The following RBMXL1 variants were observed in gnomAD, a reference collection of about 807,000 sequenced individuals.
RBMXL1 encodes RNA binding motif protein, X-linked-like-1.
Under a neutral mutation model 29.0 loss-of-function variants are expected in RBMXL1, and 18 were observed. That is an observed-to-expected ratio of 0.62 (90% confidence interval 0.43 to 0.92). The LOEUF is 0.92. Among genes scored for constraint, RBMXL1 ranks in the 40% least tolerant of loss-of-function variants. The probability of loss-of-function intolerance (pLI) is 0.00; values close to 1 mark genes in which losing one functional copy is unlikely to be tolerated. For synonymous variants in RBMXL1, 141 were observed against 170.4 expected, an observed-to-expected ratio of 0.83 and a Z score of 1.34; for missense variants, 403 against 495.8, an observed-to-expected ratio of 0.81 and a Z score of 1.78.
In RBMXL1 at chr1:88,984,003, T is replaced by A; in HGVS notation, c.-177A>T. 1.5e-6 allele frequency: 1 copy of A among 679,676 alleles called. No homozygotes were observed. The highest frequency in any genetic ancestry group is 1.9e-5 in the South Asian group (1 of 51,956). The allele number at this position is 679,676 out of a possible 1,614,324, so 42.1% of individuals were successfully genotyped here. A position where few individuals can be genotyped will look rare whatever the true frequency, so the allele number is the denominator to read the frequency against. ...TGCTTTTTAAGGTATGGCTATCCAT[T>A]CAAAAAACCAGGAAAATTACTTTCT... On this transcript the variant is annotated 5_prime_UTR_variant, in exon 3 of 3. Transcript: ENST00000652648.
chr1:88,987,543 T>C (rs1416441198), intron 2 of RBMXL1, among the ~76,000 whole-genome samples: 2 of 152,146 alleles, frequency 1.3e-5, no homozygotes, highest in Admixed American at 1.3e-4. Flanking sequence ...ATGCCAAAAA[T>C]GGAATTTTCA....
intron 1 of RBMXL1, among the ~76,000 whole-genome samples, chr1:88,991,131 G>A (rs1677770957): frequency 6.6e-6 from 1 of 152,326 alleles, no homozygotes; most frequent in African/African-American, 2.4e-5. Context: ...GGTTTAGACT[G>A]TTTAAAATGA....
rs1447615175 is a variant in RBMXL1, at chr1:88,991,107, G to A, written c.-341+1478C>T. Among the ~76,000 whole-genome samples the A allele has an allele frequency of 2.0e-5, 3 of 152,094 alleles. No individual in the cohort carries two copies. In the East Asian group the frequency reaches 5.8e-4, roughly 29 times the overall value. The stretch of plus-strand genomic sequence containing the variant: ...CATGATCTATAGAAATGAAACTGTC[G>A]ATTTATTATCAACGGTTTAGACTGT... On this transcript the variant is annotated intron_variant, in intron 1 of 2. Transcript: ENST00000652648.
rs779344113 is a variant in RBMXL1 at position 88,982,825 on chromosome 1, G to C, written c.1002C>G (p.Leu334=). 3 of 1,613,986 alleles carry C rather than the reference G, an allele frequency of 1.9e-6. No individual in the cohort carries two copies. The highest frequency in any genetic ancestry group is 2.5e-6 in the Non-Finnish European group (3 of 1,179,874). The part of the protein sequence containing the change: ...RDSYSSSRSD[L]YSSCDRVGRQ... ...TGCCAACCCTGTCACAACTTGAGTA[G>C]AGATCACTTCGGCTGCTTGAGTAAC... The change falls in exon 3 of 3, where the codon CTC becomes CTG. Residue 334 remains leucine, a synonymous_variant. Coordinates refer to ENST00000652648, the MANE Select transcript of RBMXL1 (RefSeq NM_001162536.3).
In RBMXL1 at chr1:88,979,981, C is replaced by G. The variant is rs1343238945; in HGVS notation, c.*2673G>C. On this transcript the variant is annotated 3_prime_UTR_variant, in exon 3 of 3. Coordinates refer to ENST00000652648, the MANE Select transcript of RBMXL1 (RefSeq NM_001162536.3). ...CATATTCACATAATGGGACACTACT[C>G]AGCAATAAAAGGAATAAGCTACTGA... The G allele has an allele frequency of 3.3e-5, 5 of 152,144 alleles. No individual in the cohort carries two copies. The highest frequency in any genetic ancestry group is 1.2e-4 in the African/African-American group (5 of 41,434). The allele number at this position is 152,144 out of a possible 1,614,324, so 9.4% of individuals were successfully genotyped here.
chr1:88,986,099 T>C (rs1386494140), intron 2 of RBMXL1, among the ~76,000 whole-genome samples: 1 of 151,400 alleles, frequency 6.6e-6, no homozygotes, highest in Admixed American at 6.6e-5. Flanking sequence ...GAGAATTGCT[T>C]GAACCCGAGA....
At chr1:88,991,497 T>G (rs1036685728) in intron 1 of RBMXL1, among the ~76,000 whole-genome samples, 1 of 152,220 alleles carries the variant, frequency 6.6e-6, no homozygotes, top group Admixed American at 6.5e-5. Context: ...GTTAGTTTGC[T>G]TCTAGAATGT....
Position 88,982,824 on chromosome 1 carries a change from A to G in RBMXL1, c.1003T>C (p.Tyr335His). The stretch of plus-strand genomic sequence containing the variant: ...CTGCCAACCCTGTCACAACTTGAGT[A>G]GAGATCACTTCGGCTGCTTGAGTAA... The part of the protein sequence containing the change: ...DSYSSSRSDL[Y>H]SSCDRVGRQE... Residue 335 changes from tyrosine to histidine, a missense_variant, in exon 3 of 3, where the codon TAC (tyrosine) becomes CAC (histidine). Tyr to His is a moderately conservative substitution (Grantham distance 83). Transcript: ENST00000652648. 2 of 1,613,890 alleles carry G rather than the reference A, an allele frequency of 1.2e-6. No individual in the cohort carries two copies.
At chr1:88,988,424 T>TGTA in intron 1 of RBMXL1, 73 bp from the exon 2 acceptor site, 1 of 815,634 alleles carries the variant, frequency 1.2e-6, no homozygotes, top group Non-Finnish European at 2.0e-6. Flanking sequence ...CACTTACAGC[T>TGTA]AGCTGATGTA....
chr1:88,987,163 A>G (rs1004544564), intron 2 of RBMXL1, among the ~76,000 whole-genome samples: 2 of 152,348 alleles, frequency 1.3e-5, no homozygotes, highest in East Asian at 3.9e-4. Context: ...TAGAATTAGA[A>G]TGCATAATGG....
At chr1:88,990,836 A>C (rs777952541) in intron 1 of RBMXL1, among the ~76,000 whole-genome samples, 24 of 152,244 alleles carry the variant, frequency 1.6e-4, no homozygotes, top group Non-Finnish European at 3.4e-4. Context: ...AGCATTTTCT[A>C]ATGCAATCAA....
intron 2 of RBMXL1, 44 bp downstream of exon 2, chr1:88,988,208 G>A (rs1323190056): frequency 7.7e-7 from 1 of 1,301,490 alleles, no homozygotes; most frequent in Non-Finnish European, 1.1e-6. Flanking sequence ...TTTGGACAGT[G>A]CAGAATATGT....
Position 88,982,762 on chromosome 1 carries a change from C to G in RBMXL1, c.1065G>C (p.Gly355=), listed in dbSNP as rs762992748. ...TGTAGGAATCACGTGAAGAAGGGTA[C>G]CCCCTTTCTACAGAAGGGGGAAGCC... The part of the protein sequence containing the change: ...ERGLPPSVER[G]YPSSRDSYSS... The change falls in exon 3 of 3, where the codon GGG becomes GGC. Residue 355 remains glycine, a synonymous_variant. Transcript: ENST00000652648. 1.2e-6 allele frequency: 2 copies of G among 1,613,948 alleles called. No individual in the cohort carries two copies. Among genetic ancestry groups the G allele is most frequent in the Non-Finnish European group, 1.7e-6 (2 of 1,179,862 alleles).
In RBMXL1 at chr1:88,980,082, T is replaced by C. The variant is rs1482242976; in HGVS notation, c.*2572A>G. On this transcript the variant is annotated 3_prime_UTR_variant, in exon 3 of 3. Transcript: ENST00000652648. The stretch of plus-strand genomic sequence containing the variant: ...AAACAAAAAAGTACATGCTACACAA[T>C]CCCATTTATATAAAATACTAAACAC... 6.6e-6 allele frequency: 1 copy of C among 152,140 alleles called. No individual in the cohort carries two copies. The highest frequency in any genetic ancestry group is 2.4e-5 in the African/African-American group (1 of 41,438). 9.4% of individuals were successfully genotyped at this position (152,140 alleles called of 1,614,324 possible). A position where few individuals can be genotyped will look rare whatever the true frequency, so the allele number is the denominator to read the frequency against.
chr1:88,990,483 T>C (rs1233681966), intron 1 of RBMXL1, among the ~76,000 whole-genome samples: 2 of 152,202 alleles, frequency 1.3e-5, no homozygotes, highest in African/African-American at 4.8e-5. Context: ...TTTGCAATTC[T>C]CACTTTCCTA....
At position 88,983,550 on chromosome 1, in the gene RBMXL1, T is replaced by C. The variant is rs1460563993; in HGVS notation, c.277A>G (p.Arg93Gly). 1 of 1,614,268 alleles carries C rather than the reference T, an allele frequency of 6.2e-7. No individual in the cohort carries two copies. ...QATKPSFERG[R>G]HGPPPPPRSR... The stretch of plus-strand genomic sequence containing the variant: ...CTTGGAGGTGGGGGCGGTCCATGTC[T>C]ACCTCTTTCAAATGATGGTTTGGTG... The change falls in exon 3 of 3, where the codon AGA becomes GGA. Residue 93 changes from arginine to glycine, a missense_variant. Arg to Gly is a moderately radical substitution (Grantham distance 125, BLOSUM62 -2). Coordinates refer to ENST00000652648, the MANE Select transcript of RBMXL1 (RefSeq NM_001162536.3).
chr1:88,992,009 T>A (rs6675968), intron 1 of RBMXL1, among the ~76,000 whole-genome samples: 4 of 147,968 alleles, frequency 2.7e-5, no homozygotes, highest in African/African-American at 9.9e-5. Flanking sequence ...GACGGAGTCT[T>A]GCTCTGTCGC....
At position 88,982,575 on chromosome 1, in the gene RBMXL1, G is replaced by A; in HGVS notation, c.*79C>T. ...ACAATTTTTCCTTTTAGTAGTCCTTGGGTAGTTATGATAGAATAGTTTCCA... is the reference window on the plus strand; with the variant it reads ...ACAATTTTTCCTTTTAGTAGTCCTTAGGTAGTTATGATAGAATAGTTTCCA... On this transcript the variant is annotated 3_prime_UTR_variant, in exon 3 of 3. Coordinates refer to ENST00000652648, the MANE Select transcript of RBMXL1 (RefSeq NM_001162536.3). 2.0e-6 allele frequency: 3 copies of A among 1,505,642 alleles called. No homozygotes were observed. Among genetic ancestry groups the A allele is most frequent in the South Asian group, 1.3e-5 (1 of 74,144 alleles). 93.3% of individuals were successfully genotyped at this position (1,505,642 alleles called of 1,614,324 possible).
At chr1:88,991,983 G>GTTTT (rs10638041) in intron 1 of RBMXL1, among the ~76,000 whole-genome samples, 28,090 of 144,620 alleles carry the variant, frequency 0.19, 3,421 homozygotes, top group Non-Finnish European at 0.25. Flanking sequence ...TATTCTTTTG[G>GTTTT]TTTTTTTTTT....
Sources: allele counts gnomAD v4.1 joint callset (sites outside exome capture counted in the v4.1 genomes callset), GRCh38; gene constraint gnomAD v4.1.1; transcripts MANE v1.5; gene names NCBI Gene and HGNC (gene_info 2026-07-23, HGNC 2026-07-21).